The following AMMECR1L variants were observed in gnomAD, a reference collection of about 807,000 sequenced individuals.
AMMECR1L encodes AMMECR1 like, also known as AMMECR1-like protein.
In AMMECR1L, 4 loss-of-function variants were observed where a neutral mutation model predicts 36.8. The observed-to-expected ratio is 0.11, with a 90% confidence interval of 0.05 to 0.25. The LOEUF (loss-of-function observed/expected upper bound fraction) is 0.25, where lower values mean the gene tolerates loss of function less well. AMMECR1L is among the 10% of genes least tolerant of loss of function. AMMECR1L has a pLI of 1.00. For missense variants in AMMECR1L, 232 were observed against 392.1 expected, an observed-to-expected ratio of 0.59 and a Z score of 3.45; for synonymous variants, 147 against 148.0, an observed-to-expected ratio of 0.99 and a Z score of 0.05.
chr2:127,871,128 T>G lies in AMMECR1L; in HGVS notation c.518+121A>C. The G allele has an allele frequency of 8.7e-7, 1 of 1,146,312 alleles. No individual in the cohort carries two copies. Among genetic ancestry groups the G allele is most frequent in the Non-Finnish European group, 1.2e-6 (1 of 802,880 alleles). 71.0% of individuals were successfully genotyped at this position (1,146,312 alleles called of 1,614,324 possible). Reference sequence around the variant, plus strand: ...AACTGACTCACCAGATTAAGCCCCTTACATTTCCTGATTACCAAAAAGAGA... The same window carrying G: ...AACTGACTCACCAGATTAAGCCCCTGACATTTCCTGATTACCAAAAAGAGA... On this transcript the variant is annotated intron_variant, in intron 4 of 7. Coordinates refer to ENST00000272647, the MANE Select transcript of AMMECR1L (RefSeq NM_001199140.2). This position sits in a 1 kb window ranked among gnomAD's most constrained non-coding sequence, Gnocchi z 4.3.
At chr2:127,882,648 C>T (rs1208429858) in intron 2 of AMMECR1L, among the ~76,000 whole-genome samples, 1 of 152,156 alleles carries the variant, frequency 6.6e-6, no homozygotes. Context: ...GGCTGGAGTG[C>T]AGTGGTACAA....
rs934154544 is a variant in AMMECR1L, at chr2:127,861,793, C to T, written c.*3301G>A. The T allele has an allele frequency of 6.6e-6, 1 of 151,992 alleles. No individual in the cohort carries two copies. The highest frequency in any genetic ancestry group is 3.2e-3 in the Middle Eastern group (1 of 316). 9.4% of individuals were successfully genotyped at this position (151,992 alleles called of 1,614,324 possible). ...GTCTCTTGCTTCAGGGAAGTAAGAACGAAATGAACAAAAAGAACACATAGC... is the reference window on the plus strand; with the variant it reads ...GTCTCTTGCTTCAGGGAAGTAAGAATGAAATGAACAAAAAGAACACATAGC... On this transcript the variant is annotated 3_prime_UTR_variant, in exon 8 of 8. Coordinates refer to ENST00000272647, the MANE Select transcript of AMMECR1L (RefSeq NM_001199140.2).
At chr2:127,877,038 T>TATATATATATATATAC (rs1691280477) in intron 2 of AMMECR1L, among the ~76,000 whole-genome samples, 1 of 39,422 alleles carries the variant, frequency 2.5e-5, no homozygotes, top group Non-Finnish European at 4.4e-5. Flanking sequence ...TATATATACA[T>TATATATATATATATAC]ATATATATAT....
chr2:127,864,917 G>A lies in AMMECR1L; in HGVS notation c.*177C>T, dbSNP rs13411546. The A allele has an allele frequency of 0.46, 230,935 of 505,616 alleles. 55,546 individuals are homozygous for A. The highest frequency in any genetic ancestry group is 0.68 in the African/African-American group (34,708 of 51,050). The allele number at this position is 505,616 out of a possible 1,614,324, so 31.3% of individuals were successfully genotyped here. The stretch of plus-strand genomic sequence containing the variant: ...GCTTGGGCCCCTCAAGTTCTGTTTC[G>A]TTCAAGGTAACCCTACCCTCCCTCA... On this transcript the variant is annotated 3_prime_UTR_variant, in exon 8 of 8. Coordinates refer to ENST00000272647, the MANE Select transcript of AMMECR1L (RefSeq NM_001199140.2).
chr2:127,876,434 A>T lies in AMMECR1L; in HGVS notation c.-38-2162T>A, dbSNP rs182886391. On this transcript the variant is annotated intron_variant, in intron 2 of 7. Transcript: ENST00000272647. ...CACTACAGCCTCCCCAGTAGCTGTC[A>T]TTATAGGTGTGAGCCACACCTGGCT... Among the ~76,000 whole-genome samples the T allele has an allele frequency of 4.2e-4, 64 of 151,710 alleles. No homozygotes were observed. The East Asian group carries it at 8.6e-3, about 20-fold the overall frequency.
chr2:127,870,641 C>T (rs1449701928), intron 5 of AMMECR1L, among the ~76,000 whole-genome samples, 173 bp downstream of exon 5: 2 of 152,162 alleles, frequency 1.3e-5, no homozygotes, highest in African/African-American at 4.8e-5. Context: ...ACACTTCTGC[C>T]TACTCCTGGT....
At chr2:127,870,099 G>T (rs547146358) in intron 5 of AMMECR1L, among the ~76,000 whole-genome samples, 73 of 151,982 alleles carry the variant, frequency 4.8e-4, no homozygotes, top group South Asian at 8.3e-4. Flanking sequence ...GGTGGATCAC[G>T]AGGTCAAGAG....
chr2:127,870,976 C>A (rs774137979), intron 4 of AMMECR1L, 48 bp from the exon 5 acceptor site: 1 of 1,436,702 alleles, frequency 7.0e-7, no homozygotes, highest in South Asian at 1.2e-5. Flanking sequence ...GAGTCAGGAG[C>A]CAATATCAGG....
chr2:127,878,165 T>C (rs1045540529), intron 2 of AMMECR1L, among the ~76,000 whole-genome samples: 2 of 152,112 alleles, frequency 1.3e-5, no homozygotes, highest in African/African-American at 4.8e-5. Flanking sequence ...GAAAACAATA[T>C]GAAAAACCAA....
chr2:127,880,497 G>A (rs77237689), intron 2 of AMMECR1L, among the ~76,000 whole-genome samples: 83 of 152,078 alleles, frequency 5.5e-4, no homozygotes, highest in Non-Finnish European at 1.1e-3. Flanking sequence ...ATGCTGCGGC[G>A]TCCTCATCTG....
chr2:127,885,316 G>T, intron 1 of AMMECR1L: 1 of 984,908 alleles, frequency 1.0e-6, no homozygotes, highest in Non-Finnish European at 1.2e-6. Flanking sequence ...GAGGAAAGAG[G>T]GTCCGGGGCG....
In AMMECR1L at chr2:127,871,874, A is replaced by C. The variant is rs1690987153; in HGVS notation, c.408-515T>G. Reference sequence around the variant, plus strand: ...TCAGAAAAAAAAGTTCCCTCAAAAAACATTTTTTAATTTTTAAAAAAAGAT... The same window carrying C: ...TCAGAAAAAAAAGTTCCCTCAAAAACCATTTTTTAATTTTTAAAAAAAGAT... On this transcript the variant is annotated intron_variant, in intron 3 of 7. Coordinates refer to ENST00000272647, the MANE Select transcript of AMMECR1L (RefSeq NM_001199140.2). This position sits in a 1 kb window ranked among gnomAD's most constrained non-coding sequence, Gnocchi z 4.3. Among the ~76,000 whole-genome samples the C allele has an allele frequency of 6.6e-6, 1 of 152,058 alleles. No homozygotes were observed. The highest frequency in any genetic ancestry group is 2.4e-5 in the African/African-American group (1 of 41,374).
At chr2:127,885,280 G>C (rs1559003503) in intron 1 of AMMECR1L, 1 of 984,230 alleles carries the variant, frequency 1.0e-6, no homozygotes, top group South Asian at 4.7e-5. Context: ...CCGAGGGACA[G>C]GGTGAAAGGT....
Position 127,871,191 on chromosome 2 carries a change from G to A in AMMECR1L, c.518+58C>T, listed in dbSNP as rs1031640980. On this transcript the variant is annotated intron_variant, in intron 4 of 7. Coordinates refer to ENST00000272647, the MANE Select transcript of AMMECR1L (RefSeq NM_001199140.2). The surrounding 1 kb of genome is among the most constrained non-coding windows in gnomAD (Gnocchi z 4.3). ...CATCACTTAGAAGAAATAAAGTCAG[G>A]CAGCTATTTCTGATTCTAGCCAATT... 2 of 1,550,400 alleles carry A rather than the reference G, an allele frequency of 1.3e-6. No individual in the cohort carries two copies. Among genetic ancestry groups the A allele is most frequent in the African/African-American group, 1.4e-5 (1 of 73,678 alleles).
At chr2:127,876,538 T>G (rs1691253215) in intron 2 of AMMECR1L, among the ~76,000 whole-genome samples, 1 of 152,046 alleles carries the variant, frequency 6.6e-6, no homozygotes, top group African/African-American at 2.4e-5. Flanking sequence ...GATGTCACTG[T>G]CTTATTTGGA....
At chr2:127,883,219 C>T (rs538434701) in intron 2 of AMMECR1L, among the ~76,000 whole-genome samples, 1 of 152,100 alleles carries the variant, frequency 6.6e-6, no homozygotes, top group East Asian at 1.9e-4. Context: ...GCCTCAGCCT[C>T]CCAAGTAGCT....
chr2:127,867,862 A>C (rs1352795688), intron 6 of AMMECR1L, among the ~76,000 whole-genome samples: 1 of 152,046 alleles, frequency 6.6e-6, no homozygotes, highest in African/African-American at 2.4e-5. Context: ...TGCATATACT[A>C]TTGTTATTCT....
Position 127,873,142 on chromosome 2 carries a change from A to T in AMMECR1L, c.407+686T>A, listed in dbSNP as rs1002500557. 3.0e-6 allele frequency: 3 copies of T among 985,340 alleles called. No individual in the cohort carries two copies. In the African/African-American group the frequency reaches 5.2e-5, roughly 17 times the overall value. The allele number at this position is 985,340 out of a possible 1,614,324, so 61.0% of individuals were successfully genotyped here. A position where few individuals can be genotyped will look rare whatever the true frequency, so the allele number is the denominator to read the frequency against. On this transcript the variant is annotated intron_variant, in intron 3 of 7. Coordinates refer to ENST00000272647, the MANE Select transcript of AMMECR1L (RefSeq NM_001199140.2). The surrounding 1 kb of genome is among the most constrained non-coding windows in gnomAD (Gnocchi z 5.2). ...AGCATACCCCCAAAACAAAAATAAA[A>T]AAACAGCAATGCTCTTCAAAGCCAG...
intron 1 of AMMECR1L, 104 bp downstream of exon 1, chr2:127,885,706 G>A (rs1477124190): frequency 4.1e-6 from 4 of 980,532 alleles, no homozygotes; most frequent in Non-Finnish European, 4.8e-6. Context: ...CGGCCCCGCC[G>A]CCCGCCCCGG....
Sources: gnomAD v4.1 joint callset for allele counts (sites outside exome capture counted in the v4.1 genomes callset) on GRCh38, gnomAD v4.1.1 for gene constraint, Gnocchi (gnomAD v3.1) non-coding constraint, MANE v1.5 for transcripts, NCBI Gene and HGNC (gene_info 2026-07-23, HGNC 2026-07-21) for gene names.